SEMA5B: variants seen among roughly 807,000 people sequenced by gnomAD.
The protein encoded by SEMA5B is semaphorin-5B.
A neutral mutation model predicts 135.0 loss-of-function variants in SEMA5B; 66 were observed. The ratio of observed to expected loss-of-function variants is 0.49; its 90% CI spans 0.40 to 0.60. SEMA5B has a LOEUF of 0.60. SEMA5B is among the 20% of genes least tolerant of loss of function. The pLI, the probability that SEMA5B is intolerant of heterozygous loss-of-function variation, is 0.00. For synonymous variants in SEMA5B, 690 were observed against 639.5 expected (o/e 1.08, Z -1.19); for missense variants, 1,501 against 1,566.3 (o/e 0.96, Z 0.70).
At chr3:122,984,012 C>G (rs1941618097) in intron 1 of SEMA5B, among the ~76,000 whole-genome samples, 1 of 152,176 alleles carries the variant, frequency 6.6e-6, no homozygotes, top group African/African-American at 2.4e-5. Flanking sequence ...ATTCATCATA[C>G]GCTTCATCAT....
chr3:122,994,445 T>C (rs1941975098), intron 1 of SEMA5B, among the ~76,000 whole-genome samples: 1 of 152,238 alleles, frequency 6.6e-6, no homozygotes, highest in Non-Finnish European at 1.5e-5. Context: ...TACTCTTTCT[T>C]GGCCTGTGAA....
rs571688155 is a variant in SEMA5B at position 122,926,627 on chromosome 3, G to A, written c.901C>T (p.Leu301=). ...YDIGLFAYFF[L]RENAVEHDCG... is the part of the protein sequence containing the mutation. ...TCGTGCTCCACTGCGTTCTCCCGCA[G>A]GAAGAAGTATGCAAACAGCCCAATA... Residue 301 remains leucine, a synonymous_variant, in exon 9 of 23, where the codon CTG becomes TTG. Coordinates refer to ENST00000357599, the MANE Select transcript of SEMA5B (RefSeq NM_001031702.4). 29 of 1,614,230 alleles carry A rather than the reference G, an allele frequency of 1.8e-5. No individual in the cohort carries two copies. In the Middle Eastern group the frequency reaches 1.7e-3, roughly 92 times the overall value.
intron 12 of SEMA5B, among the ~76,000 whole-genome samples, chr3:122,921,088 C>T (rs1375844680): frequency 1.3e-5 from 2 of 152,188 alleles, no homozygotes; most frequent in Non-Finnish European, 2.9e-5. Flanking sequence ...AGCTGAAGAA[C>T]AGCCCTGTAT....
At chr3:122,983,971 CA>C (rs1229487180) in intron 1 of SEMA5B, among the ~76,000 whole-genome samples, 4 of 152,108 alleles carry the variant, frequency 2.6e-5, no homozygotes, top group African/African-American at 4.8e-5. Context: ...GAAGCAAGGG[CA>C]GGTCATTCCG....
At chr3:122,930,900 A>G (rs1300032549) in intron 5 of SEMA5B, among the ~76,000 whole-genome samples, 1 of 152,168 alleles carries the variant, frequency 6.6e-6, no homozygotes, top group Non-Finnish European at 1.5e-5. Context: ...TGACACCAGA[A>G]CTAAGCTCTT....
chr3:122,917,636 G>C (rs1938135986), intron 12 of SEMA5B, among the ~76,000 whole-genome samples: 1 of 152,166 alleles, frequency 6.6e-6, no homozygotes, highest in South Asian at 2.1e-4. Context: ...AAAGAAGACA[G>C]TACTATCTGC....
intron 4 of SEMA5B, among the ~76,000 whole-genome samples, chr3:122,940,065 T>G (rs896120133): frequency 1.3e-5 from 2 of 152,104 alleles, no homozygotes; most frequent in African/African-American, 4.8e-5. Flanking sequence ...TGGACCACCC[T>G]CTCTCCTCTA....
At chr3:122,970,266 C>G (rs1382740595) in intron 1 of SEMA5B, among the ~76,000 whole-genome samples, 2 of 152,224 alleles carry the variant, frequency 1.3e-5, no homozygotes, top group Non-Finnish European at 2.9e-5. Flanking sequence ...AGAGGCCAAA[C>G]AAAACACATC....
chr3:122,974,384 G>A (rs567753928), intron 1 of SEMA5B, among the ~76,000 whole-genome samples: 1 of 152,370 alleles, frequency 6.6e-6, no homozygotes, highest in East Asian at 1.9e-4. Context: ...GAATGTGTAC[G>A]TGGGTGCACA....
intron 1 of SEMA5B, among the ~76,000 whole-genome samples, chr3:122,987,303 G>A (rs1941733224): frequency 6.6e-6 from 1 of 152,192 alleles, no homozygotes; most frequent in Non-Finnish European, 1.5e-5. Context: ...AAAGGACAGG[G>A]ACAAAAGTTC....
intron 5 of SEMA5B, among the ~76,000 whole-genome samples, chr3:122,930,464 A>G (rs1938907824): frequency 6.6e-6 from 1 of 152,254 alleles, no homozygotes; most frequent in Admixed American, 6.5e-5. Context: ...TGAGCCTGAT[A>G]TGAGAGAAGA....
intron 1 of SEMA5B, among the ~76,000 whole-genome samples, chr3:123,009,242 G>C (rs771518289): frequency 6.6e-6 from 1 of 152,148 alleles, no homozygotes; most frequent in Non-Finnish European, 1.5e-5. Flanking sequence ...TGCAGGGAGC[G>C]GGGGTTGAGA....
At position 122,976,061 on chromosome 3, in the gene SEMA5B, A is replaced by G. The variant is rs1238396353; in HGVS notation, c.-38-14760T>C. The G allele has an allele frequency of 5.2e-6, 8 of 1,535,116 alleles. No homozygotes were observed. In the East Asian group the frequency reaches 9.8e-5, roughly 19 times the overall value. ...AATGCCCTCTCCCAAATGCCAGCTC[A>G]TCTATGAAGCTCCTTCTGACCCTCA... On this transcript the variant is annotated intron_variant, in intron 1 of 22. Coordinates refer to ENST00000357599, the MANE Select transcript of SEMA5B (RefSeq NM_001031702.4).
At position 122,913,935 on chromosome 3, in the gene SEMA5B, C is replaced by T; in HGVS notation, c.2055G>A (p.Gln685=). The change falls in exon 15 of 23, where the codon CAG becomes CAA. Residue 685 remains glutamine, a synonymous_variant. Coordinates refer to ENST00000357599, the MANE Select transcript of SEMA5B (RefSeq NM_001031702.4). ...LCSTSCGIGF[Q]VRQRSCSNPA... is the part of the protein sequence containing the mutation. ...GGTTGCTGCAACTTCGCTGGCGGACCTGGAAGCCGATGCCACAGGACGTGC... is the reference window on the plus strand; with the variant it reads ...GGTTGCTGCAACTTCGCTGGCGGACTTGGAAGCCGATGCCACAGGACGTGC... 6.2e-7 allele frequency: 1 copy of T among 1,612,536 alleles called. No individual in the cohort carries two copies. Among genetic ancestry groups the T allele is most frequent in the South Asian group, 1.1e-5 (1 of 91,056 alleles).
rs768007476 is a variant in SEMA5B at position 122,928,656 on chromosome 3, G to A, written c.538-41C>T. 13 of 1,413,600 alleles carry A rather than the reference G, an allele frequency of 9.2e-6. No homozygotes were observed. In the South Asian group the frequency reaches 1.6e-4, roughly 18 times the overall value. The allele number at this position is 1,413,600 out of a possible 1,614,324, so 87.6% of individuals were successfully genotyped here. A position where few individuals can be genotyped will look rare whatever the true frequency, so the allele number is the denominator to read the frequency against. On this transcript the variant is annotated intron_variant, in intron 6 of 22. Coordinates refer to ENST00000357599, the MANE Select transcript of SEMA5B (RefSeq NM_001031702.4). ...AAGGAGCAGACAGCACAGCTCTCCA[G>A]GTGCGATGCTGGATATCTCACGCTC...
rs540315301 is a variant in SEMA5B, at chr3:122,955,293, T to C, written c.124+5847A>G. 2.0e-5 allele frequency among the ~76,000 whole-genome samples: 3 copies of C among 152,290 alleles called. No individual in the cohort carries two copies. The East Asian group carries it at 5.8e-4, about 29-fold the overall frequency. ...CTTCTCTGCAAAATGGGGAGAATAA[T>C]AACACCCAGCTCACAGCTGTTGTGG... On this transcript the variant is annotated intron_variant, in intron 2 of 22. Coordinates refer to ENST00000357599, the MANE Select transcript of SEMA5B (RefSeq NM_001031702.4).
intron 9 of SEMA5B, 57 bp from the exon 10 acceptor site, chr3:122,923,809 C>G (rs1348966475): frequency 6.3e-7 from 1 of 1,599,712 alleles, no homozygotes; most frequent in Non-Finnish European, 8.6e-7. Context: ...GCACCCTCCT[C>G]ATAAACCCCA....
At chr3:122,946,092 A>G (rs1293497194) in intron 3 of SEMA5B, among the ~76,000 whole-genome samples, 1 of 152,218 alleles carries the variant, frequency 6.6e-6, no homozygotes, top group Non-Finnish European at 1.5e-5. Flanking sequence ...CGGTGACTTT[A>G]AGAGAAAAAG....
At chr3:122,963,603 T>G (rs559476543) in intron 1 of SEMA5B, among the ~76,000 whole-genome samples, 29 of 151,936 alleles carry the variant, frequency 1.9e-4, no homozygotes, top group African/African-American at 6.5e-4. Flanking sequence ...CTGAAAGAGG[T>G]TAAAAGGCTG....
Sources: allele counts gnomAD v4.1 joint callset (sites outside exome capture counted in the v4.1 genomes callset), GRCh38; gene constraint gnomAD v4.1.1; transcripts MANE v1.5; gene names NCBI Gene and HGNC (gene_info 2026-07-23, HGNC 2026-07-21).